MAGI1: variants seen among roughly 807,000 people sequenced by gnomAD.
MAGI1 encodes the protein membrane-associated guanylate kinase, WW and PDZ domain-containing protein 1.
In MAGI1, 58 loss-of-function variants were observed where a neutral mutation model predicts 139.9. That is an observed-to-expected ratio of 0.41 (90% CI 0.34 to 0.52). The LOEUF (loss-of-function observed/expected upper bound fraction) is 0.52. MAGI1 is among the 20% of genes least tolerant of loss of function. MAGI1 has a pLI of 0.12. For missense variants in MAGI1, 1,874 were observed against 1,901.6 expected, an observed-to-expected ratio of 0.99 and a Z score of 0.27; for synonymous variants, 812 against 737.9, an observed-to-expected ratio of 1.10 and a Z score of -1.63.
At chr3:65,826,588 G>T (rs952017594) in intron 1 of MAGI1, among the ~76,000 whole-genome samples, 2 of 152,124 alleles carry the variant, frequency 1.3e-5, no homozygotes, top group Non-Finnish European at 2.9e-5. Flanking sequence ...ACATATGCTG[G>T]CCTTCATCAT....
chr3:65,422,105 T>C (rs1005371342), intron 12 of MAGI1, among the ~76,000 whole-genome samples: 2 of 152,250 alleles, frequency 1.3e-5, no homozygotes, highest in Non-Finnish European at 2.9e-5. Flanking sequence ...TGCGTAACAG[T>C]ACTTCCTGCA....
At chr3:65,702,334 T>C (rs1443084570) in intron 1 of MAGI1, among the ~76,000 whole-genome samples, 1 of 152,006 alleles carries the variant, frequency 6.6e-6, no homozygotes, top group Admixed American at 6.6e-5. Flanking sequence ...GCAGAAAGAG[T>C]TTCCACAGTG....
At chr3:65,876,427 T>C (rs2060121145) in intron 1 of MAGI1, among the ~76,000 whole-genome samples, 1 of 152,032 alleles carries the variant, frequency 6.6e-6, no homozygotes, top group African/African-American at 2.4e-5. Context: ...TACTACTATG[T>C]AGTTAGGAAT....
intron 10 of MAGI1, among the ~76,000 whole-genome samples, chr3:65,436,202 TAAAG>T (rs1346064895): frequency 1.3e-5 from 2 of 151,046 alleles, no homozygotes; most frequent in Non-Finnish European, 2.9e-5. Context: ...GAATTAAAAT[TAAAG>T]AAATGAATTA....
intron 1 of MAGI1, among the ~76,000 whole-genome samples, chr3:65,675,473 C>A (rs2087128866): frequency 1.3e-5 from 2 of 151,978 alleles, no homozygotes; most frequent in Non-Finnish European, 2.9e-5. Context: ...TTACAGAACA[C>A]AGAAAAAATT....
intron 2 of MAGI1, among the ~76,000 whole-genome samples, chr3:65,522,269 A>T (rs1250421404): frequency 2.6e-5 from 4 of 152,224 alleles, no homozygotes; most frequent in Non-Finnish European, 5.9e-5. Context: ...GTTTCCAAAA[A>T]GAATAAACTA....
chr3:65,470,144 C>T lies in MAGI1; in HGVS notation c.959+139G>A, dbSNP rs912145913. On this transcript the variant is annotated intron_variant, in intron 5 of 22. Transcript: ENST00000402939. ...TAATTAATTACCTTTTTATGCAAAA[C>T]TTATTAAACCTTATTAAAAAATACC... 8.4e-6 allele frequency: 5 copies of T among 596,158 alleles called. No homozygotes were observed. The African/African-American group carries it at 9.3e-5, about 11-fold the overall frequency. The allele number at this position is 596,158 out of a possible 1,614,324, so 36.9% of individuals were successfully genotyped here.
At chr3:65,749,557 C>T (rs2035970510) in intron 1 of MAGI1, among the ~76,000 whole-genome samples, 1 of 151,982 alleles carries the variant, frequency 6.6e-6, no homozygotes, top group Non-Finnish European at 1.5e-5. Context: ...TAAAAGACTA[C>T]AAACTGGGTC....
At chr3:65,442,336 T>C (rs1278655806) in intron 8 of MAGI1, among the ~76,000 whole-genome samples, 1 of 152,210 alleles carries the variant, frequency 6.6e-6, no homozygotes, top group African/African-American at 2.4e-5. Context: ...TAAATTACCG[T>C]GGCTGAACCT....
At chr3:65,371,836 G>C (rs1291259586) in intron 18 of MAGI1, 2 of 390,808 alleles carry the variant, frequency 5.1e-6, no homozygotes, top group African/African-American at 4.2e-5. Context: ...ATCTGTTCAA[G>C]TTTTATCATG....
intron 1 of MAGI1, among the ~76,000 whole-genome samples, chr3:65,880,850 C>T (rs1559972198): frequency 7.3e-5 from 11 of 151,570 alleles, no homozygotes. Flanking sequence ...CACATCTCAG[C>T]AATATCTCAT....
intron 2 of MAGI1, among the ~76,000 whole-genome samples, chr3:65,570,073 C>CATCATT (rs2080879626): frequency 7.3e-6 from 1 of 136,364 alleles, no homozygotes; most frequent in Non-Finnish European, 1.6e-5. Flanking sequence ...TCTTTATTAT[C>CATCATT]ATTATTATTA....
intron 5 of MAGI1, among the ~76,000 whole-genome samples, chr3:65,465,492 G>T (rs1234492695): frequency 6.6e-6 from 1 of 151,906 alleles, no homozygotes; most frequent in South Asian, 2.1e-4. Flanking sequence ...ATTCCTAAAG[G>T]TTATTTTCAC....
intron 3 of MAGI1, among the ~76,000 whole-genome samples, chr3:65,492,246 C>A (rs1349781881): frequency 6.6e-6 from 1 of 152,198 alleles, no homozygotes; most frequent in Non-Finnish European, 1.5e-5. Context: ...AATAATAACA[C>A]TCCAAAAAGT....
intron 3 of MAGI1, among the ~76,000 whole-genome samples, chr3:65,490,671 C>T (rs1328945941): frequency 1.3e-5 from 2 of 151,630 alleles, no homozygotes; most frequent in Admixed American, 1.3e-4. Flanking sequence ...CGGTGAAACC[C>T]TGTCTCTACT....
At chr3:65,723,854 A>G (rs1168562433) in intron 1 of MAGI1, among the ~76,000 whole-genome samples, 2 of 152,244 alleles carry the variant, frequency 1.3e-5, no homozygotes, top group South Asian at 2.1e-4. Flanking sequence ...TAGAGCCTCA[A>G]GTATTTAATC....
intron 1 of MAGI1, among the ~76,000 whole-genome samples, chr3:65,741,695 A>C (rs1273662486): frequency 6.6e-6 from 1 of 152,300 alleles, no homozygotes; most frequent in Non-Finnish European, 1.5e-5. Context: ...TACTGGGATA[A>C]GTTAATGGCT....
chr3:65,710,093 A>G (rs1301410899), intron 1 of MAGI1, among the ~76,000 whole-genome samples: 2 of 152,150 alleles, frequency 1.3e-5, no homozygotes, highest in Admixed American at 1.3e-4. Context: ...AAAGTATGTT[A>G]AGAGGTTACT....
chr3:65,498,645 A>C (rs555668876), intron 2 of MAGI1, among the ~76,000 whole-genome samples: 1 of 152,206 alleles, frequency 6.6e-6, no homozygotes, highest in Non-Finnish European at 1.5e-5. Context: ...AAGGTCACAT[A>C]ACAAGTTGGG....
Sources: allele counts gnomAD v4.1 joint callset (sites outside exome capture counted in the v4.1 genomes callset), GRCh38; gene constraint gnomAD v4.1.1; transcripts MANE v1.5; gene names NCBI Gene and HGNC (gene_info 2026-07-23, HGNC 2026-07-21).